Variants in MAGEB6B observed in about 807,000 individuals in gnomAD.
The protein encoded by MAGEB6B is MAGE family member B6B.
For missense variants in MAGEB6B, 277 were observed against 251.5 expected (o/e 1.10, Z -0.69); for synonymous variants, 107 against 102.3 (o/e 1.05, Z -0.27).
chrX:26,161,126 G>A (rs1258290921), exon 1 of MAGEB6B: 1 of 947,397 alleles, frequency 1.1e-6, no homozygotes, highest in Admixed American at 2.2e-5. Context: ...TCAAGATGAG[G>A]AAAGTTTAAG....
At chrX:26,161,731 C>T in exon 1 of MAGEB6B, 1 of 1,211,146 alleles carries the variant, frequency 8.3e-7, no homozygotes, top group Non-Finnish European at 1.1e-6. Flanking sequence ...GTGTTTTGGC[C>T]GAGATCAATA....
At chrX:26,160,615 G>T (rs1928672667) in exon 1 of MAGEB6B, 1 of 568,067 alleles carries the variant, frequency 1.8e-6, no homozygotes, top group South Asian at 2.2e-5. Flanking sequence ...CTCGGGGTCA[G>T]AAGAGTAAGC....
chrX:26,162,084 T>G (rs1164740430), downstream of MAGEB6B, among the ~76,000 whole-genome samples: 1 of 112,584 alleles, frequency 8.9e-6, no homozygotes, highest in Non-Finnish European at 1.9e-5. Flanking sequence ...AGTGAAGGTT[T>G]ATTTTGCTTC....
exon 1 of MAGEB6B, chrX:26,161,661 G>A: frequency 8.3e-7 from 1 of 1,211,936 alleles, no homozygotes; most frequent in African/African-American, 1.7e-5. Flanking sequence ...GATCCTCCAT[G>A]CTATGAGTTC....
chrX:26,160,750 TG>T lies in MAGEB6B; in HGVS notation c.151del (p.Ala51LeufsTer128). The T allele has an allele frequency of 1.7e-6, 1 of 578,220 alleles. No individual in the cohort carries two copies. The allele number at this position is 578,220 out of a possible 1,213,427, so 47.7% of individuals were successfully genotyped here. A position where few individuals can be genotyped will look rare whatever the true frequency, so the allele number is the denominator to read the frequency against. ...CATCCTCTTCTGCTGTTTGTCAGGGTGCTCGTCGTAGGTCTTCTGGTTCCTC... is the reference window on the plus strand; with the variant it reads ...CATCCTCTTCTGCTGTTTGTCAGGGTCTCGTCGTAGGTCTTCTGGTTCCTC... On this transcript the variant is annotated frameshift_variant, in exon 1 of 1. Coordinates refer to ENST00000416929, the Ensembl canonical transcript of MAGEB6B. LOFTEE classifies it low-confidence loss of function (END_TRUNC).
At chrX:26,161,535 G>T in exon 1 of MAGEB6B, 1 of 1,211,173 alleles carries the variant, frequency 8.3e-7, no homozygotes, top group Non-Finnish European at 1.1e-6. Context: ...AAGTTCCTGG[G>T]TCTGTTGGGG....
At chrX:26,161,923 T>A, downstream of MAGEB6B, 1 of 847,081 alleles carries the variant, frequency 1.2e-6, no homozygotes, top group Non-Finnish European at 1.7e-6. Context: ...ATTTTCGCTT[T>A]ATGTTAGAAG....
chrX:26,160,624 G>A (rs1928672759), exon 1 of MAGEB6B: 1 of 571,068 alleles, frequency 1.8e-6, no homozygotes, highest in Non-Finnish European at 3.2e-6. Flanking sequence ...AGAAGAGTAA[G>A]CTCCGTGCCC....
chrX:26,160,865 C>A, exon 1 of MAGEB6B: 1 of 612,038 alleles, frequency 1.6e-6, no homozygotes, highest in Non-Finnish European at 2.9e-6. Context: ...TGCCATGGGT[C>A]AAGATGAGAA....
At chrX:26,162,138 G>C (rs781105299), downstream of MAGEB6B, among the ~76,000 whole-genome samples, 6 of 111,833 alleles carry the variant, frequency 5.4e-5, no homozygotes, top group Non-Finnish European at 1.1e-4. Context: ...ATTCATGGCC[G>C]TTTAATCAAT....
chrX:26,161,455 G>A (rs776355147), exon 1 of MAGEB6B: 6 of 1,126,051 alleles, frequency 5.3e-6, no homozygotes, highest in Non-Finnish European at 7.3e-6. Context: ...TGCCGAAGTC[G>A]GGTCTCCTGA....
exon 1 of MAGEB6B, chrX:26,160,643 C>T (rs752201353): frequency 3.5e-6 from 2 of 569,698 alleles, no homozygotes; most frequent in Non-Finnish European, 3.2e-6. Context: ...CCGTGGGAAA[C>T]GCCGAGAGAC....
chrX:26,161,324 G>A (rs745365301), exon 1 of MAGEB6B: 5 of 646,934 alleles, frequency 7.7e-6, no homozygotes, highest in Admixed American at 2.2e-5. Flanking sequence ...GAGAACCTCC[G>A]AACATTTGAC....
downstream of MAGEB6B, among the ~76,000 whole-genome samples, chrX:26,162,269 TCCACAG>T (rs1441457599): frequency 8.9e-6 from 1 of 111,932 alleles, no homozygotes; most frequent in Non-Finnish European, 1.9e-5. Context: ...CTTAAAGAAC[TCCACAG>T]TAAAATAGTT....
At chrX:26,160,700 A>G in exon 1 of MAGEB6B, 1 of 572,841 alleles carries the variant, frequency 1.7e-6, no homozygotes, top group Non-Finnish European at 3.2e-6. Flanking sequence ...CACTGCAGAG[A>G]AACAAGAAGA....
At chrX:26,161,137 C>A in exon 1 of MAGEB6B, 1 of 890,001 alleles carries the variant, frequency 1.1e-6, no homozygotes, top group Non-Finnish European at 1.7e-6. Context: ...AAAGTTTAAG[C>A]TCCTCCAAGA....
At chrX:26,160,904 G>A (rs777950806) in exon 1 of MAGEB6B, 5 of 604,039 alleles carry the variant, frequency 8.3e-6, no homozygotes, top group African/African-American at 2.2e-5. Flanking sequence ...TGATGCCTCC[G>A]TTTCTCAAGA....
chrX:26,161,774 G>A (rs1439090888), exon 1 of MAGEB6B: 1 of 1,211,026 alleles, frequency 8.3e-7, no homozygotes, highest in South Asian at 1.8e-5. Flanking sequence ...ACATCTGTAT[G>A]AAGACGCTTT....
exon 1 of MAGEB6B, chrX:26,160,662 AGCC>A (rs1399707622): frequency 3.5e-6 from 2 of 569,958 alleles, no homozygotes; most frequent in African/African-American, 4.5e-5. Context: ...ACCCATGATC[AGCC>A]GCAAGGTCTC....
Sources: gnomAD v4.1 joint callset for allele counts (sites outside exome capture counted in the v4.1 genomes callset) on GRCh38, gnomAD v4.1.1 for gene constraint, MANE v1.5 for transcripts, NCBI Gene and HGNC (gene_info 2026-07-23, HGNC 2026-07-21) for gene names.